The following DISC1 variants were observed in gnomAD, a reference collection of about 807,000 sequenced individuals.
DISC1 encodes the protein disrupted in schizophrenia 1 protein.
DISC1 carries 57 observed loss-of-function variants against 84.5 expected under a neutral mutation model. The ratio of observed to expected loss-of-function variants is 0.67; its 90% confidence interval spans 0.55 to 0.84. DISC1 has a LOEUF of 0.84. Ranked by LOEUF, DISC1 falls within the 40% of genes least tolerant of loss-of-function variation. DISC1 has a pLI of 0.00. For missense variants in DISC1, 1,000 were observed against 1,057.8 expected (o/e 0.95, Z 0.76); for synonymous variants, 411 against 415.2 (o/e 0.99, Z 0.12).
intron 9 of DISC1, among the ~76,000 whole-genome samples, chr1:231,873,862 G>A (rs2085648225): frequency 6.7e-6 from 1 of 148,544 alleles, no homozygotes; most frequent in Non-Finnish European, 1.5e-5. Context: ...TTTTTTTTGA[G>A]ACAGAGTCTT....
intron 11 of DISC1, among the ~76,000 whole-genome samples, chr1:232,021,946 A>G (rs1427074358): frequency 6.6e-6 from 1 of 152,094 alleles, no homozygotes; most frequent in Non-Finnish European, 1.5e-5. Flanking sequence ...CCAGACATCT[A>G]CAAACAGCCC....
intron 9 of DISC1, among the ~76,000 whole-genome samples, chr1:231,843,101 G>T (rs2083192275): frequency 6.6e-6 from 1 of 152,148 alleles, no homozygotes; most frequent in Admixed American, 6.5e-5. Context: ...TCAGATAAGT[G>T]TATGATGGGG....
chr1:231,771,025 C>G lies in DISC1; in HGVS notation c.1589C>G (p.Ala530Gly), dbSNP rs200669845. The G allele has an allele frequency of 2.5e-6, 4 of 1,610,916 alleles. No homozygotes were observed. The highest frequency in any genetic ancestry group is 2.5e-6 in the Non-Finnish European group (3 of 1,178,462). The change falls in exon 6 of 13, where the codon GCC becomes GGC. Residue 530 changes from alanine to glycine, a missense_variant. Physicochemically the swap from Ala to Gly is moderately conservative, Grantham distance 60 (BLOSUM62 0). Coordinates refer to ENST00000439617, the MANE Select transcript of DISC1 (RefSeq NM_018662.3). ...SKALQDTLAS[A>G]GQIPFHAEPP... ...GCCTTGCAGGACACCCTGGCCTCAG[C>G]CGGTCAGATTCCCTTCCATGCAGAG...
intron 4 of DISC1, among the ~76,000 whole-genome samples, chr1:231,753,169 G>C (rs1187123929): frequency 1.3e-5 from 2 of 152,258 alleles, no homozygotes; most frequent in Non-Finnish European, 2.9e-5. Context: ...TGGGGACTCT[G>C]TGTGGGGTTC....
intron 3 of DISC1, among the ~76,000 whole-genome samples, chr1:231,747,613 C>T (rs931852743): frequency 6.6e-5 from 10 of 152,096 alleles, no homozygotes; most frequent in Admixed American, 1.3e-4. Context: ...ACTGTTCCAT[C>T]GGTCCGTGTA....
intron 9 of DISC1, among the ~76,000 whole-genome samples, chr1:231,915,080 C>A (rs2089514505): frequency 6.6e-6 from 1 of 152,200 alleles, no homozygotes; most frequent in Non-Finnish European, 1.5e-5. Flanking sequence ...CTATGCGCCT[C>A]CAGCCATCTC....
intron 6 of DISC1, among the ~76,000 whole-genome samples, chr1:231,788,186 G>A (rs1333485882): frequency 6.6e-6 from 1 of 152,204 alleles, no homozygotes; most frequent in Admixed American, 6.5e-5. Flanking sequence ...TTGGGAGGCT[G>A]AGGCAGGAGA....
chr1:231,942,094 A>C (rs201572916), intron 9 of DISC1, among the ~76,000 whole-genome samples: 190 of 152,144 alleles, frequency 1.2e-3, no homozygotes, highest in Non-Finnish European at 2.5e-3. Flanking sequence ...AAGAGGGAAA[A>C]AACAAGCAAG....
intron 3 of DISC1, chr1:231,722,630 G>T: frequency 6.2e-7 from 1 of 1,613,932 alleles, no homozygotes; most frequent in Non-Finnish European, 8.5e-7. Context: ...AACAAAGCAA[G>T]ACAAATAGAT....
At chr1:231,651,725 A>G (rs936699254) in intron 1 of DISC1, among the ~76,000 whole-genome samples, 1 of 152,180 alleles carries the variant, frequency 6.6e-6, no homozygotes. Flanking sequence ...GGCCTTGGAG[A>G]GCTGCGGTGG....
rs140327175 is a variant in DISC1 at position 231,879,215 on chromosome 1, A to G, written c.1981+60698A>G. On this transcript the variant is annotated intron_variant, in intron 9 of 12. Transcript: ENST00000439617. The stretch of plus-strand genomic sequence containing the variant: ...CCTTTGAGCGTCATGTCAGTGTTCA[A>G]AAAGTTTCAAATTTTGGAACGTTTC... Among the ~76,000 whole-genome samples the G allele has an allele frequency of 4.6e-3, 706 of 152,252 alleles. 1 individual carries two copies. Among genetic ancestry groups the G allele is most frequent in the Middle Eastern group, 0.014 (4 of 294 alleles).
chr1:231,804,198 T>C (rs902637024), intron 8 of DISC1, among the ~76,000 whole-genome samples: 7 of 152,140 alleles, frequency 4.6e-5, no homozygotes, highest in African/African-American at 1.7e-4. Flanking sequence ...GGTGTGCTGA[T>C]TCAAGGGAAG....
At chr1:231,786,813 G>C (rs4310431) in intron 6 of DISC1, among the ~76,000 whole-genome samples, 24,992 of 152,094 alleles carry the variant, frequency 0.16, 2,225 homozygotes, top group African/African-American at 0.19. Context: ...CTTGGGCCTA[G>C]AGGTATGCCC....
At chr1:231,661,799 T>C (rs1328742695) in intron 1 of DISC1, among the ~76,000 whole-genome samples, 1 of 152,234 alleles carries the variant, frequency 6.6e-6, no homozygotes. Context: ...GGAGAGGTGT[T>C]ACTGTCATTT....
intron 1 of DISC1, among the ~76,000 whole-genome samples, chr1:231,669,741 G>T (rs1212617866): frequency 6.6e-6 from 1 of 152,030 alleles, no homozygotes; most frequent in Non-Finnish European, 1.5e-5. Flanking sequence ...TGGCGAGGTT[G>T]TGGAGAAAAA....
chr1:231,706,723 A>G (rs1361851093), intron 3 of DISC1, among the ~76,000 whole-genome samples: 1 of 152,280 alleles, frequency 6.6e-6, no homozygotes, highest in African/African-American at 2.4e-5. Context: ...ACATTTATAT[A>G]CAATGACAGA....
chr1:231,693,428 C>G (rs1343088164), intron 1 of DISC1, among the ~76,000 whole-genome samples: 1 of 152,244 alleles, frequency 6.6e-6, no homozygotes, highest in Non-Finnish European at 1.5e-5. Context: ...GAGGCATGCT[C>G]TGGCATTCCT....
intron 9 of DISC1, among the ~76,000 whole-genome samples, chr1:231,844,089 G>A (rs900634789): frequency 1.3e-5 from 2 of 152,186 alleles, no homozygotes; most frequent in Non-Finnish European, 2.9e-5. Flanking sequence ...GATGAGGGAG[G>A]ACCGGCAGGA....
At chr1:231,787,934 A>T (rs1306988175) in intron 6 of DISC1, among the ~76,000 whole-genome samples, 1 of 152,162 alleles carries the variant, frequency 6.6e-6, no homozygotes, top group Non-Finnish European at 1.5e-5. Flanking sequence ...TTGCTGCCAT[A>T]ATAAAGTAGC....
Sources: gnomAD v4.1 joint callset for allele counts (sites outside exome capture counted in the v4.1 genomes callset) on GRCh38, gnomAD v4.1.1 for gene constraint, MANE v1.5 for transcripts, NCBI Gene and HGNC (gene_info 2026-07-23, HGNC 2026-07-21) for gene names.